ARHGAP10: variants seen among roughly 807,000 people sequenced by gnomAD.
ARHGAP10 encodes Rho GTPase activating protein 10.
Under a neutral mutation model 108.6 loss-of-function variants are expected in ARHGAP10, and 87 were observed. The ratio of observed to expected loss-of-function variants is 0.80; its 90% CI spans 0.67 to 0.96. The LOEUF is 0.96. Ranked by LOEUF, ARHGAP10 falls within the 40% of genes least tolerant of loss-of-function variation. The probability of loss-of-function intolerance (pLI) is 0.00; values close to 1 mark genes in which losing one functional copy is unlikely to be tolerated. For synonymous variants in ARHGAP10, 347 were observed against 341.1 expected (o/e 1.02, Z -0.19); for missense variants, 939 against 954.5 (o/e 0.98, Z 0.21).
intron 3 of ARHGAP10, among the ~76,000 whole-genome samples, chr4:147,832,229 T>G (rs1298828454): frequency 6.6e-6 from 1 of 152,128 alleles, no homozygotes; most frequent in Non-Finnish European, 1.5e-5. Context: ...TATTTCGGGA[T>G]GAGCCAAGGT....
At chr4:147,968,231 A>G (rs1578742831) in intron 18 of ARHGAP10, among the ~76,000 whole-genome samples, 1 of 152,256 alleles carries the variant, frequency 6.6e-6, no homozygotes, top group Non-Finnish European at 1.5e-5. Context: ...CAATAGGACC[A>G]CCTTGAGGGC....
At chr4:147,904,157 GTGTGTTGTA>G (rs1663279471) in intron 10 of ARHGAP10, among the ~76,000 whole-genome samples, 1 of 152,138 alleles carries the variant, frequency 6.6e-6, no homozygotes, top group South Asian at 2.1e-4. Context: ...GTTCTAGTGA[GTGTGTTGTA>G]TTTCATTTTA....
intron 19 of ARHGAP10, among the ~76,000 whole-genome samples, chr4:148,037,742 C>T (rs995471257): frequency 1.3e-4 from 19 of 151,026 alleles, no homozygotes; most frequent in Admixed American, 8.6e-4. Context: ...TGCTGAGGTA[C>T]GAGAATCGCT....
At chr4:147,870,893 A>G (rs895088717) in intron 7 of ARHGAP10, among the ~76,000 whole-genome samples, 1 of 151,574 alleles carries the variant, frequency 6.6e-6, no homozygotes, top group African/African-American at 2.4e-5. Context: ...TTTTGTCGCA[A>G]TGTTCTAAGG....
intron 1 of ARHGAP10, among the ~76,000 whole-genome samples, chr4:147,758,972 CAA>C (rs748165721): frequency 1.2e-4 from 7 of 56,210 alleles, no homozygotes; most frequent in African/African-American, 2.0e-4. Context: ...GACTCTGTCT[CAA>C]AAAAAAAAAA....
At chr4:147,859,675 A>G (rs1734237298) in intron 5 of ARHGAP10, among the ~76,000 whole-genome samples, 1 of 152,220 alleles carries the variant, frequency 6.6e-6, no homozygotes. Context: ...ACATTGTCTT[A>G]TTCAGTGTTC....
At chr4:148,071,914 G>A in intron 22 of ARHGAP10, 79 bp from the exon 23 acceptor site, 1 of 1,279,378 alleles carries the variant, frequency 7.8e-7, no homozygotes. Context: ...GCCACTCCCT[G>A]CTTGAGCTTT....
chr4:147,798,763 CTCTCTCTCTCTCTCTCTCTATA>C (rs1731437921), intron 1 of ARHGAP10, among the ~76,000 whole-genome samples: 6 of 15,192 alleles, frequency 3.9e-4, no homozygotes, highest in African/African-American at 5.5e-4. Context: ...CTCTCTCTCT[CTCTCTCTCTCTCTCTCTCTATA>C]TATATATATA....
rs549561033 is a variant in ARHGAP10 at position 147,926,423 on chromosome 4, T to C, written c.1228+13284T>C. 2.4e-4 allele frequency among the ~76,000 whole-genome samples: 37 copies of C among 152,154 alleles called. No homozygotes were observed. The South Asian group carries it at 6.8e-3, about 28-fold the overall frequency. ...TTGATGACCTGCTGGATATTGGAAG[T>C]CAGGGAGAGAGGAAAGTGAAAACGA... On this transcript the variant is annotated intron_variant, in intron 13 of 22. Coordinates refer to ENST00000336498, the MANE Select transcript of ARHGAP10 (RefSeq NM_024605.4).
intron 13 of ARHGAP10, among the ~76,000 whole-genome samples, chr4:147,931,589 T>C (rs1472210650): frequency 6.6e-6 from 1 of 152,120 alleles, no homozygotes; most frequent in Non-Finnish European, 1.5e-5. Context: ...ATAAAAGCTA[T>C]TAAAAGCAAA....
intron 7 of ARHGAP10, among the ~76,000 whole-genome samples, chr4:147,869,892 G>A (rs1283379490): frequency 1.3e-5 from 2 of 151,532 alleles, no homozygotes; most frequent in Non-Finnish European, 2.9e-5. Context: ...GTTGTAATTT[G>A]CTCATTTCTT....
At position 147,884,005 on chromosome 4, in the gene ARHGAP10, C is replaced by A. The variant is rs186804651; in HGVS notation, c.1034+2073C>A. The stretch of plus-strand genomic sequence containing the variant: ...CCACTGTGCCTAGCTTGAGCCCTAC[C>A]TCTTAACCACTGTGCCATAAGTCTC... On this transcript the variant is annotated intron_variant, in intron 10 of 22. Coordinates refer to ENST00000336498, the MANE Select transcript of ARHGAP10 (RefSeq NM_024605.4). Among the ~76,000 whole-genome samples, 433 of 152,160 alleles carry A rather than the reference C, an allele frequency of 2.8e-3. 2 individuals are homozygous for A. The highest frequency in any genetic ancestry group is 4.5e-3 in the Non-Finnish European group (304 of 67,976).
chr4:147,888,173 C>G (rs958983178), intron 10 of ARHGAP10, among the ~76,000 whole-genome samples: 2 of 152,176 alleles, frequency 1.3e-5, no homozygotes, highest in Non-Finnish European at 2.9e-5. Context: ...TGTTGGAGTT[C>G]AGCCCTTAGA....
At chr4:147,957,405 C>G (rs950082640) in intron 16 of ARHGAP10, among the ~76,000 whole-genome samples, 2 of 152,024 alleles carry the variant, frequency 1.3e-5, no homozygotes, top group Non-Finnish European at 2.9e-5. Context: ...TTTTAAGGAT[C>G]GAATAAAATA....
At chr4:147,797,852 T>C (rs1731381343) in intron 1 of ARHGAP10, among the ~76,000 whole-genome samples, 1 of 152,216 alleles carries the variant, frequency 6.6e-6, no homozygotes, top group Non-Finnish European at 1.5e-5. Flanking sequence ...CCTGAGGGTC[T>C]GTACAGTCAA....
intron 5 of ARHGAP10, among the ~76,000 whole-genome samples, chr4:147,858,906 C>T (rs1162031347): frequency 1.3e-5 from 2 of 152,168 alleles, no homozygotes; most frequent in Admixed American, 6.5e-5. Flanking sequence ...CACCTTGGCC[C>T]TTTCTCTTAC....
intron 18 of ARHGAP10, among the ~76,000 whole-genome samples, chr4:147,998,458 A>T (rs561744967): frequency 1.3e-5 from 2 of 152,368 alleles, no homozygotes; most frequent in South Asian, 4.1e-4. Flanking sequence ...ACTGGTCTAC[A>T]CCATAGTGAA....
intron 15 of ARHGAP10, among the ~76,000 whole-genome samples, chr4:147,952,385 A>G (rs1738636462): frequency 6.6e-6 from 1 of 152,136 alleles, no homozygotes; most frequent in African/African-American, 2.4e-5. Flanking sequence ...ACAATATACA[A>G]AGGTTCCATT....
At chr4:147,758,220 G>GCCATT (rs1729457797) in intron 1 of ARHGAP10, among the ~76,000 whole-genome samples, 1 of 149,790 alleles carries the variant, frequency 6.7e-6, no homozygotes, top group South Asian at 2.1e-4. Flanking sequence ...CCAAGATTGC[G>GCCATT]CCATTGCACT....
Sources: gnomAD v4.1 joint callset for allele counts (sites outside exome capture counted in the v4.1 genomes callset) on GRCh38, gnomAD v4.1.1 for gene constraint, MANE v1.5 for transcripts, NCBI Gene and HGNC (gene_info 2026-07-23, HGNC 2026-07-21) for gene names.